The following SVEP1 variants were observed in gnomAD, a reference collection of about 807,000 sequenced individuals.
The protein encoded by SVEP1 is sushi, von Willebrand factor type A, EGF and pentraxin domain containing 1, also known as sushi, von Willebrand factor type A, EGF and pentraxin domain-containing protein 1.
In SVEP1, 164 loss-of-function variants were observed where a neutral mutation model predicts 367.3. That is an observed-to-expected ratio of 0.45 (90% CI 0.39 to 0.51). SVEP1 has a LOEUF of 0.51. SVEP1 is among the 20% of genes least tolerant of loss of function. SVEP1 has a pLI of 0.00. For synonymous variants in SVEP1, 1,666 were observed against 1,611.6 expected, an observed-to-expected ratio of 1.03 and a Z score of -0.81; for missense variants, 4,117 against 4,425.3, an observed-to-expected ratio of 0.93 and a Z score of 1.98.
chr9:110,438,737 G>A (rs905147520), intron 27 of SVEP1, among the ~76,000 whole-genome samples: 1 of 152,066 alleles, frequency 6.6e-6, no homozygotes, highest in Non-Finnish European at 1.5e-5. Context: ...TTTCTCTAAG[G>A]CTTTTGATAC....
chr9:110,480,583 T>A (rs1283818341), intron 12 of SVEP1, among the ~76,000 whole-genome samples: 1 of 152,148 alleles, frequency 6.6e-6, no homozygotes, highest in African/African-American at 2.4e-5. Context: ...TTCCATCATG[T>A]ATGTTAGATT....
Position 110,434,578 on chromosome 9 carries a change from A to G in SVEP1, c.4889-72T>C, listed in dbSNP as rs945903236. The G allele has an allele frequency of 3.6e-5, 51 of 1,420,798 alleles. No homozygotes were observed. In the African/African-American group the frequency reaches 7.2e-4, roughly 20 times the overall value. The allele number at this position is 1,420,798 out of a possible 1,614,324, so 88.0% of individuals were successfully genotyped here. ...TAGCATCACCAAGTCAATGATTTCA[A>G]ACTGTATTCTGTATCAGCATTTGAG... On this transcript the variant is annotated intron_variant, in intron 29 of 47. Transcript: ENST00000374469.
chr9:110,503,277 A>G, intron 5 of SVEP1, 60 bp from the exon 6 acceptor site: 3 of 1,532,018 alleles, frequency 2.0e-6, no homozygotes, highest in Non-Finnish European at 2.6e-6. Context: ...AATAATAATT[A>G]CAAGTTTAGC....
At chr9:110,545,544 A>G (rs571463742) in intron 3 of SVEP1, among the ~76,000 whole-genome samples, 23 of 152,314 alleles carry the variant, frequency 1.5e-4, no homozygotes, top group African/African-American at 5.5e-4. Context: ...AAAGCCATCA[A>G]GTGAAGGATG....
rs1451393048 is a variant in SVEP1, at chr9:110,407,627, G to A, written c.7973C>T (p.Ala2658Val). The A allele has an allele frequency of 6.2e-7, 1 of 1,613,928 alleles. No individual in the cohort carries two copies. Among genetic ancestry groups the A allele is most frequent in the East Asian group, 2.2e-5 (1 of 44,886 alleles). ...CTCCTTTGTATTTTCCCAGGTTTTA[G>A]CCACTGCTCCCAAATGATAAGGAGG... ...PHPPYHLGAV[A>V]KTWENTKESP... Residue 2658 changes from alanine (A) to valine (V), a missense_variant, in exon 38 of 48, where the codon GCT becomes GTT. Ala to Val is a moderately conservative substitution (Grantham distance 64). Coordinates refer to ENST00000374469, the MANE Select transcript of SVEP1 (RefSeq NM_153366.4).
chr9:110,408,902 G>C lies in SVEP1; in HGVS notation c.6698C>G (p.Pro2233Arg), dbSNP rs552783679. 6.2e-7 allele frequency: 1 copy of C among 1,609,282 alleles called. No individual in the cohort carries two copies. Residue 2233 changes from proline (P) to arginine (R), a missense_variant, in exon 38 of 48, where the codon CCG becomes CGG. Physicochemically the swap from Pro to Arg is moderately radical, Grantham distance 103. Transcript: ENST00000374469. ...FESEVRYQCN[P>R]GYKSVGSPVF... ...AGGACTTCCGACTGACTTATAGCCC[G>C]GGTTACACTGATACCTCACTTCACT...
intron 5 of SVEP1, among the ~76,000 whole-genome samples, chr9:110,506,224 G>A (rs1457375528): frequency 3.3e-5 from 5 of 152,010 alleles, no homozygotes; most frequent in Non-Finnish European, 7.4e-5. Context: ...ATCATTAATG[G>A]GCATTTGGGT....
rs192935931 is a variant in SVEP1, at chr9:110,550,681, A to G, written c.532-577T>C. Among the ~76,000 whole-genome samples the G allele has an allele frequency of 3.6e-3, 539 of 150,898 alleles. 1 individual carries two copies. Among genetic ancestry groups the G allele is most frequent in the African/African-American group, 0.012 (513 of 41,160 alleles). On this transcript the variant is annotated intron_variant, in intron 1 of 47. Coordinates refer to ENST00000374469, the MANE Select transcript of SVEP1 (RefSeq NM_153366.4). Reference sequence around the variant, plus strand: ...TGCTCCTCCAAAAAATGTAGAATTGATTCAATACTTCATCTTTTTGGACCA... The same window carrying G: ...TGCTCCTCCAAAAAATGTAGAATTGGTTCAATACTTCATCTTTTTGGACCA...
At chr9:110,529,581 T>C (rs1426870436) in intron 3 of SVEP1, among the ~76,000 whole-genome samples, 2 of 147,364 alleles carry the variant, frequency 1.4e-5, no homozygotes, top group Non-Finnish European at 3.0e-5. Flanking sequence ...GTTCACCTCC[T>C]TGGTTACGTA....
At chr9:110,423,197 A>AAAAATAAAAAAAT (rs1828199892) in intron 36 of SVEP1, among the ~76,000 whole-genome samples, 1 of 148,258 alleles carries the variant, frequency 6.7e-6, no homozygotes, top group Non-Finnish European at 1.5e-5. Flanking sequence ...AAAAAAAAGA[A>AAAAATAAAAAAAT]AAATTGTCAA....
chr9:110,422,864 G>C lies in SVEP1; in HGVS notation c.5975+4727C>G, dbSNP rs10980380. The stretch of plus-strand genomic sequence containing the variant: ...AAACCATCATTCTCAGTAAACTATC[G>C]CAAGAACAAAAAACCAAACACCGCA... On this transcript the variant is annotated intron_variant, in intron 36 of 47. Transcript: ENST00000374469. Among the ~76,000 whole-genome samples the C allele has an allele frequency of 4.0e-5, 3 of 74,522 alleles. No homozygotes were observed. The East Asian group carries it at 8.8e-4, about 22-fold the overall frequency. The allele number at this position is 74,522 out of a possible 152,430, so 48.9% of individuals were successfully genotyped here.
At chr9:110,512,005 G>A (rs986997618) in intron 5 of SVEP1, among the ~76,000 whole-genome samples, 7 of 152,062 alleles carry the variant, frequency 4.6e-5, no homozygotes, top group African/African-American at 1.4e-4. Context: ...GAACCAGCAC[G>A]CCCAGTTAAA....
intron 37 of SVEP1, among the ~76,000 whole-genome samples, 177 bp downstream of exon 37, chr9:110,410,886 T>C (rs10980375): frequency 0.15 from 23,037 of 152,190 alleles, 2,344 homozygotes; most frequent in East Asian, 0.4. Flanking sequence ...AAGAGATGAA[T>C]TAATTATGAA....
At chr9:110,566,967 G>C (rs919626544) in intron 1 of SVEP1, among the ~76,000 whole-genome samples, 2 of 152,178 alleles carry the variant, frequency 1.3e-5, no homozygotes, top group Non-Finnish European at 2.9e-5. Context: ...TCTCGGGAAA[G>C]TGATCTGAAG....
At chr9:110,428,207 C>G (rs867119629) in intron 35 of SVEP1, among the ~76,000 whole-genome samples, 1 of 152,192 alleles carries the variant, frequency 6.6e-6, no homozygotes, top group Non-Finnish European at 1.5e-5. Flanking sequence ...GCCCCTGACT[C>G]TGACCTCTGG....
chr9:110,565,211 T>C (rs560944601), intron 1 of SVEP1, among the ~76,000 whole-genome samples: 1 of 152,350 alleles, frequency 6.6e-6, no homozygotes, highest in South Asian at 2.1e-4. Context: ...AGGGGAACGC[T>C]GAGTAACTCA....
chr9:110,368,339 G>A (rs1431966313), intron 47 of SVEP1, among the ~76,000 whole-genome samples: 4 of 152,156 alleles, frequency 2.6e-5, no homozygotes, highest in Admixed American at 6.5e-5. Context: ...AAGAATTACA[G>A]TATATACAGG....
At chr9:110,432,432 T>G in intron 31 of SVEP1, 30 bp downstream of exon 31, 1 of 1,588,274 alleles carries the variant, frequency 6.3e-7, no homozygotes, top group Non-Finnish European at 8.6e-7. Context: ...TAGAATAATC[T>G]CATATAGTAG....
At chr9:110,549,734 T>A in intron 2 of SVEP1, 115 bp downstream of exon 2, 3 of 1,345,534 alleles carry the variant, frequency 2.2e-6, no homozygotes, top group Non-Finnish European at 3.0e-6. Context: ...ATGGGCATCA[T>A]ATTCAGCAAA....
Sources: allele counts gnomAD v4.1 joint callset (sites outside exome capture counted in the v4.1 genomes callset), GRCh38; gene constraint gnomAD v4.1.1; transcripts MANE v1.5; gene names NCBI Gene and HGNC (gene_info 2026-07-23, HGNC 2026-07-21).